The following FARS2 variants were observed in gnomAD, a reference collection of about 807,000 sequenced individuals.
FARS2 encodes phenylalanine--tRNA ligase, mitochondrial.
A neutral mutation model predicts 46.4 loss-of-function variants in FARS2; 40 were observed. The ratio of observed to expected loss-of-function variants is 0.86; its 90% CI spans 0.67 to 1.12. The LOEUF (loss-of-function observed/expected upper bound fraction) is 1.12, where lower values mean the gene tolerates loss of function less well. FARS2 is among the 50% of genes most tolerant of loss of function. The probability of loss-of-function intolerance (pLI) is 0.00; values close to 1 mark genes in which losing one functional copy is unlikely to be tolerated. For synonymous variants in FARS2, 234 were observed against 214.9 expected, an observed-to-expected ratio of 1.09 and a Z score of -0.78; for missense variants, 513 against 567.9, an observed-to-expected ratio of 0.90 and a Z score of 0.98.
chr6:5,418,528 C>T (rs1319471353), intron 3 of FARS2, among the ~76,000 whole-genome samples: 1 of 152,182 alleles, frequency 6.6e-6, no homozygotes, highest in African/African-American at 2.4e-5. Context: ...TGGCACTATT[C>T]CTGGTCCTGT....
At chr6:5,770,308 A>G (rs938441493) in intron 6 of FARS2, among the ~76,000 whole-genome samples, 2 of 152,172 alleles carry the variant, frequency 1.3e-5, no homozygotes, top group Admixed American at 1.3e-4. Context: ...GGGCTGGTTG[A>G]CGGCATCATA....
chr6:5,466,563 G>A (rs547071312), intron 4 of FARS2: 1 of 985,394 alleles, frequency 1.0e-6, no homozygotes, highest in African/African-American at 1.7e-5. Flanking sequence ...CCCTAGGCTT[G>A]TTTCAGTTTC....
intron 6 of FARS2, among the ~76,000 whole-genome samples, chr6:5,709,425 A>G (rs1758965465): frequency 6.6e-6 from 1 of 152,184 alleles, no homozygotes; most frequent in Admixed American, 6.5e-5. Flanking sequence ...ACTGCAAACT[A>G]CAGGTAAATC....
chr6:5,751,017 G>A (rs1405819436), intron 6 of FARS2, among the ~76,000 whole-genome samples: 1 of 152,080 alleles, frequency 6.6e-6, no homozygotes, highest in African/African-American at 2.4e-5. Flanking sequence ...TAAGTTAGGC[G>A]GGTTTTGGGG....
intron 2 of FARS2, among the ~76,000 whole-genome samples, chr6:5,385,713 C>A (rs6914858): frequency 0.16 from 24,627 of 152,172 alleles, 2,137 homozygotes; most frequent in Middle Eastern, 0.2. Flanking sequence ...TGTGAGCCAC[C>A]ACGCCCAGCT....
chr6:5,293,222 A>G (rs1295122332), intron 1 of FARS2, among the ~76,000 whole-genome samples: 6 of 152,208 alleles, frequency 3.9e-5, no homozygotes, highest in Non-Finnish European at 8.8e-5. Context: ...AAAGAAGGAT[A>G]CAAGGCCGTG....
intron 5 of FARS2, 144 bp downstream of exon 5, chr6:5,545,484 C>T (rs751932794): frequency 1.6e-6 from 1 of 624,750 alleles, no homozygotes; most frequent in Non-Finnish European, 2.5e-6. Context: ...GATACATGTG[C>T]AGAACGTGCA....
intron 5 of FARS2, among the ~76,000 whole-genome samples, chr6:5,587,187 C>A (rs561296813): frequency 5.3e-5 from 8 of 152,300 alleles, no homozygotes; most frequent in African/African-American, 1.9e-4. Context: ...GAAACAAAAT[C>A]ATTTCTCCTT....
chr6:5,698,075 G>A (rs181459911), intron 6 of FARS2, among the ~76,000 whole-genome samples: 8 of 152,264 alleles, frequency 5.3e-5, no homozygotes, highest in African/African-American at 1.9e-4. Flanking sequence ...AAAAGATAAA[G>A]CACCACAGCC....
intron 1 of FARS2, among the ~76,000 whole-genome samples, chr6:5,358,496 AAG>A (rs982746827): frequency 1.3e-5 from 2 of 151,890 alleles, no homozygotes; most frequent in Admixed American, 6.6e-5. Context: ...ATTTTTGTGT[AAG>A]AGAGAGAGAG....
chr6:5,688,274 G>A (rs1010243968), intron 6 of FARS2, among the ~76,000 whole-genome samples: 2 of 152,132 alleles, frequency 1.3e-5, no homozygotes, highest in East Asian at 1.9e-4. Flanking sequence ...TCCCTGTCTT[G>A]TGCCAGTTTT....
rs374711722 is a variant in FARS2, at chr6:5,751,427, A to G, written c.1218-19864A>G. The stretch of plus-strand genomic sequence containing the variant: ...TGTTGGGCAAAAAGCAAGCTTAAGA[A>G]GGAGCCATTGTGTGAACTGCCTTTA... On this transcript the variant is annotated intron_variant, in intron 6 of 6. Transcript: ENST00000274680. 2.9e-4 allele frequency among the ~76,000 whole-genome samples: 44 copies of G among 152,342 alleles called. No homozygotes were observed. In the East Asian group the frequency reaches 5.8e-3, roughly 20 times the overall value.
At chr6:5,401,885 G>A (rs904725592) in intron 2 of FARS2, among the ~76,000 whole-genome samples, 2 of 152,054 alleles carry the variant, frequency 1.3e-5, no homozygotes, top group Non-Finnish European at 1.5e-5. Context: ...AGGCCTTGAC[G>A]ATTTTCCCCA....
chr6:5,576,468 C>T lies in FARS2; in HGVS notation c.1065+31128C>T, dbSNP rs114996221. On this transcript the variant is annotated intron_variant, in intron 5 of 6. Coordinates refer to ENST00000274680, the MANE Select transcript of FARS2 (RefSeq NM_006567.5). ...CAGTTTTGGCACTCGTACTGGCTTT[C>T]GTGCTCCTCAGCTTGCACATGGCCT... 3.0e-3 allele frequency among the ~76,000 whole-genome samples: 453 copies of T among 151,952 alleles called. 1 individual carries two copies. Among genetic ancestry groups the T allele is most frequent in the African/African-American group, 0.011 (439 of 41,444 alleles).
intron 1 of FARS2, among the ~76,000 whole-genome samples, chr6:5,318,663 T>C (rs1394570593): frequency 6.6e-6 from 1 of 152,178 alleles, no homozygotes; most frequent in African/African-American, 2.4e-5. Context: ...GCCAAGTGGC[T>C]TAGGCTCGGT....
chr6:5,738,239 C>A (rs1761076072), intron 6 of FARS2, among the ~76,000 whole-genome samples: 1 of 152,192 alleles, frequency 6.6e-6, no homozygotes, highest in African/African-American at 2.4e-5. Context: ...GCATAAGCAC[C>A]ACACCCAGCT....
At chr6:5,584,406 G>A (rs1481613130) in intron 5 of FARS2, among the ~76,000 whole-genome samples, 1 of 152,006 alleles carries the variant, frequency 6.6e-6, no homozygotes, top group African/African-American at 2.4e-5. Flanking sequence ...AGACCTTTTA[G>A]CTTGACTTTT....
At chr6:5,659,387 A>G (rs140161450) in intron 6 of FARS2, among the ~76,000 whole-genome samples, 299 of 152,330 alleles carry the variant, frequency 2.0e-3, no homozygotes, top group Middle Eastern at 6.8e-3. Context: ...ACTCTGCACA[A>G]GGACAAATAA....
chr6:5,702,403 A>G (rs1015068548), intron 6 of FARS2, among the ~76,000 whole-genome samples: 4 of 152,214 alleles, frequency 2.6e-5, no homozygotes, highest in African/African-American at 7.2e-5. Flanking sequence ...TTTACTTTCT[A>G]TTCTTCTTAT....
Sources: allele counts gnomAD v4.1 joint callset (sites outside exome capture counted in the v4.1 genomes callset), GRCh38; gene constraint gnomAD v4.1.1; transcripts MANE v1.5; gene names NCBI Gene and HGNC (gene_info 2026-07-23, HGNC 2026-07-21).